Variants in GRM8 observed in about 807,000 individuals in gnomAD.
The protein encoded by GRM8 is glutamate metabotropic receptor 8.
In GRM8, 47 loss-of-function variants were observed where a neutral mutation model predicts 87.2. The observed-to-expected ratio is 0.54, with a 90% CI of 0.43 to 0.69. The LOEUF (loss-of-function observed/expected upper bound fraction) is 0.69, where lower values mean the gene tolerates loss of function less well. Ranked by LOEUF, GRM8 falls within the 30% of genes least tolerant of loss-of-function variation. GRM8 has a pLI of 0.00. For synonymous variants in GRM8, 396 were observed against 404.5 expected, an observed-to-expected ratio of 0.98 and a Z score of 0.25; for missense variants, 1,019 against 1,139.2, an observed-to-expected ratio of 0.89 and a Z score of 1.52.
chr7:126,829,201 G>A (rs1368126664), intron 6 of GRM8, among the ~76,000 whole-genome samples: 1 of 148,272 alleles, frequency 6.7e-6, no homozygotes, highest in Non-Finnish European at 1.5e-5. Context: ...GGAGAGTTCT[G>A]TAGATGTCTA....
intron 3 of GRM8, among the ~76,000 whole-genome samples, chr7:127,052,558 G>A (rs1359498600): frequency 6.6e-6 from 1 of 152,180 alleles, no homozygotes; most frequent in East Asian, 1.9e-4. Flanking sequence ...TTTAGAAAAT[G>A]ACCTTGAATT....
intron 7 of GRM8, among the ~76,000 whole-genome samples, chr7:126,714,439 T>C (rs1811499950): frequency 1.3e-5 from 2 of 152,058 alleles, no homozygotes; most frequent in Non-Finnish European, 1.5e-5. Context: ...TCTTATTATC[T>C]CCATTTTACA....
chr7:127,008,937 T>C (rs774650065), intron 3 of GRM8, among the ~76,000 whole-genome samples: 5 of 152,144 alleles, frequency 3.3e-5, no homozygotes, highest in Non-Finnish European at 5.9e-5. Flanking sequence ...TTAAGAAGCA[T>C]TACATAACAC....
intron 2 of GRM8, among the ~76,000 whole-genome samples, chr7:127,108,661 CTAAT>C (rs1372346246): frequency 6.6e-6 from 1 of 152,142 alleles, no homozygotes; most frequent in African/African-American, 2.4e-5. Flanking sequence ...GAAACCAAAA[CTAAT>C]TATCTCAAAT....
At chr7:127,143,935 C>T (rs1401287630) in intron 2 of GRM8, among the ~76,000 whole-genome samples, 1 of 152,076 alleles carries the variant, frequency 6.6e-6, no homozygotes, top group African/African-American at 2.4e-5. Flanking sequence ...ATTTTGATAT[C>T]TCTTGCACAA....
chr7:126,816,819 C>G (rs775597518), intron 6 of GRM8, among the ~76,000 whole-genome samples: 19 of 151,104 alleles, frequency 1.3e-4, no homozygotes, highest in Non-Finnish European at 2.2e-4. Flanking sequence ...AATAGTATGA[C>G]AAATCTCAAT....
intron 2 of GRM8, among the ~76,000 whole-genome samples, chr7:127,214,801 A>G (rs946278925): frequency 6.6e-6 from 1 of 152,178 alleles, no homozygotes; most frequent in Non-Finnish European, 1.5e-5. Context: ...ACCATATCAG[A>G]TGTTAAAACC....
chr7:127,225,279 G>T (rs938765303), intron 2 of GRM8, among the ~76,000 whole-genome samples: 3 of 152,200 alleles, frequency 2.0e-5, no homozygotes, highest in Non-Finnish European at 4.4e-5. Flanking sequence ...CCTTGCATTG[G>T]TGAATGTGTG....
chr7:126,907,072 GA>G (rs1424862900), intron 3 of GRM8, among the ~76,000 whole-genome samples: 1 of 151,782 alleles, frequency 6.6e-6, no homozygotes, highest in African/African-American at 2.4e-5. Flanking sequence ...AAGAGAAAAA[GA>G]ATGGAGACGA....
chr7:126,568,146 T>G (rs1021387339), intron 8 of GRM8, among the ~76,000 whole-genome samples: 1 of 152,010 alleles, frequency 6.6e-6, no homozygotes, highest in Admixed American at 6.6e-5. Context: ...GGGCTCAAAG[T>G]TGGAAAGAAA....
At chr7:126,821,329 C>T (rs1049592908) in intron 6 of GRM8, among the ~76,000 whole-genome samples, 1 of 152,176 alleles carries the variant, frequency 6.6e-6, no homozygotes, top group African/African-American at 2.4e-5. Context: ...TGAAAAGACA[C>T]ATACTGCAGT....
intron 9 of GRM8, among the ~76,000 whole-genome samples, chr7:126,450,379 T>A (rs998264723): frequency 6.6e-6 from 1 of 151,838 alleles, no homozygotes; most frequent in African/African-American, 2.4e-5. Flanking sequence ...TTCCTGACTA[T>A]TTCTGTTTTG....
intron 7 of GRM8, among the ~76,000 whole-genome samples, chr7:126,673,044 C>T (rs2151310627): frequency 6.6e-6 from 1 of 152,256 alleles, no homozygotes; most frequent in African/African-American, 2.4e-5. Context: ...CCTGGAGAAA[C>T]TCCAAGCGGC....
intron 3 of GRM8, among the ~76,000 whole-genome samples, chr7:126,932,586 T>A (rs890964602): frequency 6.6e-6 from 1 of 152,124 alleles, no homozygotes; most frequent in Non-Finnish European, 1.5e-5. Context: ...TAGACATACA[T>A]ATTAAGGCAT....
intron 3 of GRM8, among the ~76,000 whole-genome samples, chr7:126,973,025 C>T (rs575942119): frequency 1.3e-5 from 2 of 152,172 alleles, no homozygotes; most frequent in Non-Finnish European, 2.9e-5. Context: ...ATCCAATAAA[C>T]TTTATTAGGT....
chr7:126,826,090 T>A (rs920605169), intron 6 of GRM8, among the ~76,000 whole-genome samples: 1 of 152,202 alleles, frequency 6.6e-6, no homozygotes, highest in Non-Finnish European at 1.5e-5. Context: ...ATTGTGTATA[T>A]GTGCCACATT....
At chr7:126,973,124 A>G (rs1185467443) in intron 3 of GRM8, among the ~76,000 whole-genome samples, 1 of 152,158 alleles carries the variant, frequency 6.6e-6, no homozygotes, top group African/African-American at 2.4e-5. Flanking sequence ...ATAGTTTAGG[A>G]TGCACCAGAA....
chr7:126,690,297 G>A (rs1352058287), intron 7 of GRM8, among the ~76,000 whole-genome samples: 6 of 152,204 alleles, frequency 3.9e-5, no homozygotes, highest in East Asian at 1.9e-4. Flanking sequence ...GAGTGGTGAG[G>A]GGTATGTGAG....
Position 127,232,224 on chromosome 7 carries a change from A to T in GRM8, c.510+10471T>A, listed in dbSNP as rs879913880. On this transcript the variant is annotated intron_variant, in intron 2 of 10. Coordinates refer to ENST00000339582, the MANE Select transcript of GRM8 (RefSeq NM_000845.3). ...GTGTGTGTGTGTGTGAGAGAGAGAG[A>T]GAGAGAGAGAGAGAGACAGACAGAC... Among the ~76,000 whole-genome samples the T allele has an allele frequency of 1.9e-3, 264 of 139,028 alleles. 1 individual carries two copies. Among genetic ancestry groups the T allele is most frequent in the Admixed American group, 3.1e-3 (42 of 13,460 alleles). The allele number at this position is 139,028 out of a possible 152,430, so 91.2% of individuals were successfully genotyped here.
Sources: gnomAD v4.1 joint callset for allele counts (sites outside exome capture counted in the v4.1 genomes callset) on GRCh38, gnomAD v4.1.1 for gene constraint, MANE v1.5 for transcripts, NCBI Gene and HGNC (gene_info 2026-07-23, HGNC 2026-07-21) for gene names.